The following GTF2H1 variants were observed in gnomAD, a reference collection of about 807,000 sequenced individuals.
GTF2H1 encodes the protein general transcription factor IIH subunit 1.
Under a neutral mutation model 71.2 loss-of-function variants are expected in GTF2H1, and 16 were observed. The observed-to-expected ratio is 0.22, with a 90% CI of 0.15 to 0.34. The LOEUF (loss-of-function observed/expected upper bound fraction) is 0.34, where lower values mean the gene tolerates loss of function less well. Ranked by LOEUF, GTF2H1 falls within the 10% of genes least tolerant of loss-of-function variation. The pLI, the probability that GTF2H1 is intolerant of heterozygous loss-of-function variation, is 1.00. For missense variants in GTF2H1, 498 were observed against 648.2 expected, an observed-to-expected ratio of 0.77 and a Z score of 2.52; for synonymous variants, 215 against 219.0, an observed-to-expected ratio of 0.98 and a Z score of 0.16.
At chr11:18,359,375 C>CA (rs1451047319) in intron 13 of GTF2H1, among the ~76,000 whole-genome samples, 7 of 152,032 alleles carry the variant, frequency 4.6e-5, no homozygotes, top group Admixed American at 1.3e-4. Flanking sequence ...ACTCTGTCTC[C>CA]AAAAAATACA....
At chr11:18,331,512 C>CA (rs1285656489) in intron 1 of GTF2H1, among the ~76,000 whole-genome samples, 2 of 152,054 alleles carry the variant, frequency 1.3e-5, no homozygotes, top group East Asian at 3.9e-4. Context: ...ACCAAAAATA[C>CA]AAAAATAGCC....
At position 18,341,567 on chromosome 11, in the gene GTF2H1, T is replaced by C; in HGVS notation, c.797T>C (p.Leu266Pro). ...TMVSLGVKNPLLDLTALEDKP... is the reference protein window; with the variant it reads ...TMVSLGVKNPPLDLTALEDKP... The stretch of plus-strand genomic sequence containing the variant: ...GTTTCATTAGGAGTGAAAAACCCAC[T>C]ACTAGATTTAACAGCTTTGGAAGAT... Residue 266 changes from leucine (L) to proline (P), a missense_variant, in exon 7 of 15, where the codon CTA (leucine) becomes CCA (proline). Physicochemically the swap from Leu to Pro is moderately conservative, Grantham distance 98. Coordinates refer to ENST00000265963, the MANE Select transcript of GTF2H1 (RefSeq NM_005316.4). 4 of 1,611,250 alleles carry C rather than the reference T, an allele frequency of 2.5e-6. No individual in the cohort carries two copies. The highest frequency in any genetic ancestry group is 1.3e-5 in the African/African-American group (1 of 74,944).
chr11:18,330,376 G>A (rs1239706068), intron 1 of GTF2H1, among the ~76,000 whole-genome samples: 1 of 152,202 alleles, frequency 6.6e-6, no homozygotes, highest in Admixed American at 6.5e-5. Flanking sequence ...AGGAAAATAT[G>A]TTGCAAGAAA....
At chr11:18,339,386 G>T (rs530318058) in intron 4 of GTF2H1, among the ~76,000 whole-genome samples, 178 bp from the exon 5 acceptor site, 114 of 152,308 alleles carry the variant, frequency 7.5e-4, no homozygotes, top group African/African-American at 1.8e-3. Context: ...AAGACCGTGA[G>T]AAACCAGTCA....
rs779018493 is a variant in GTF2H1, at chr11:18,358,086, T to A, written c.1351+44T>A. 7.6e-6 allele frequency: 10 copies of A among 1,322,732 alleles called. No homozygotes were observed. The African/African-American group carries it at 1.4e-4, about 19-fold the overall frequency. 81.9% of individuals were successfully genotyped at this position (1,322,732 alleles called of 1,614,324 possible). On this transcript the variant is annotated intron_variant, in intron 12 of 14. Transcript: ENST00000265963. Reference sequence around the variant, plus strand: ...TCTACTACTTTCTGCCTAAATCAGCTTTAAAAAGCAAGCTGGGAGGAGTGC... The same window carrying A: ...TCTACTACTTTCTGCCTAAATCAGCATTAAAAAGCAAGCTGGGAGGAGTGC...
chr11:18,349,694 A>T (rs909898906), intron 9 of GTF2H1, among the ~76,000 whole-genome samples: 2 of 151,766 alleles, frequency 1.3e-5, no homozygotes, highest in Non-Finnish European at 2.9e-5. Flanking sequence ...AAGAAAAAAT[A>T]AAAAAGAAAT....
chr11:18,333,674 A>G (rs1467434327), intron 2 of GTF2H1: 1 of 154,064 alleles, frequency 6.5e-6, no homozygotes, highest in African/African-American at 2.4e-5. Context: ...TGGTAGGGAC[A>G]GAGTCTTGCT....
intron 2 of GTF2H1, 41 bp from the exon 3 acceptor site, chr11:18,335,713 T>C (rs376716996): frequency 5.9e-5 from 83 of 1,409,462 alleles, no homozygotes; most frequent in Non-Finnish European, 7.2e-5. Flanking sequence ...ATTCCCACAG[T>C]GTGAGTGTCA....
At chr11:18,327,305 T>C (rs1006172143) in intron 1 of GTF2H1, among the ~76,000 whole-genome samples, 1 of 152,058 alleles carries the variant, frequency 6.6e-6, no homozygotes, top group Non-Finnish European at 1.5e-5. Context: ...AAAGAGAACA[T>C]TTAAATCATC....
intron 4 of GTF2H1, 81 bp from the exon 5 acceptor site, chr11:18,339,483 A>G (rs1480671352): frequency 1.1e-6 from 1 of 909,308 alleles, no homozygotes; most frequent in Non-Finnish European, 1.7e-6. Context: ...TTTTTTTTCC[A>G]CCTTTGTCCA....
At chr11:18,358,236 A>G (rs1472602958) in intron 12 of GTF2H1, 194 bp downstream of exon 12, 2 of 601,094 alleles carry the variant, frequency 3.3e-6, no homozygotes, top group African/African-American at 3.7e-5. Flanking sequence ...TCTTACTATT[A>G]CAAATAGTGG....
intron 13 of GTF2H1, among the ~76,000 whole-genome samples, chr11:18,359,028 T>C (rs1253556513): frequency 1.3e-5 from 2 of 152,226 alleles, no homozygotes; most frequent in African/African-American, 4.8e-5. Flanking sequence ...CTAAAACCGC[T>C]TTAACCAATT....
At chr11:18,364,636 A>G (rs182839976) in intron 14 of GTF2H1, among the ~76,000 whole-genome samples, 3 of 152,274 alleles carry the variant, frequency 2.0e-5, no homozygotes, top group Non-Finnish European at 2.9e-5. Context: ...ACTTCTAGCT[A>G]TGTCCATGAT....
intron 7 of GTF2H1, among the ~76,000 whole-genome samples, chr11:18,345,499 CTT>C (rs772599660): frequency 1.6e-4 from 21 of 134,920 alleles, no homozygotes; most frequent in African/African-American, 1.1e-4. Flanking sequence ...GCATATGGAT[CTT>C]TTTTTTTTTT....
intron 1 of GTF2H1, 52 bp from the exon 2 acceptor site, chr11:18,333,008 C>A: frequency 2.3e-6 from 3 of 1,282,386 alleles, no homozygotes; most frequent in Non-Finnish European, 3.2e-6. Context: ...CAAATTCAAC[C>A]CTAATTGATG....
chr11:18,347,693 C>T lies in GTF2H1; in HGVS notation c.943C>T (p.Leu315=), dbSNP rs145372677. ...KRFNHHSAMV[L]AAGLRKQEAQ... ...ATTTAACCATCACAGTGCCATGGTC[C>T]TGGCAGCTGGACTCAGAAAACAGTT... The change falls in exon 8 of 15, where the codon CTG becomes TTG. Residue 315 remains leucine (L), a synonymous_variant. Coordinates refer to ENST00000265963, the MANE Select transcript of GTF2H1 (RefSeq NM_005316.4). 322 of 1,613,360 alleles carry T rather than the reference C, an allele frequency of 2.0e-4. 1 individual carries two copies. The highest frequency in any genetic ancestry group is 2.8e-4 in the African/African-American group (21 of 75,002).
intron 9 of GTF2H1, chr11:18,351,472 A>G (rs1404456901): frequency 1.3e-5 from 2 of 152,306 alleles, no homozygotes; most frequent in Non-Finnish European, 2.9e-5. Flanking sequence ...AAAACAAAAC[A>G]AAAAAACACC....
intron 11 of GTF2H1, among the ~76,000 whole-genome samples, chr11:18,355,498 A>AATAC (rs1239520909): frequency 6.7e-6 from 1 of 149,236 alleles, no homozygotes; most frequent in African/African-American, 2.5e-5. Context: ...TAAATAAATA[A>AATAC]ATTTACTTAT....
chr11:18,365,738 C>T, intron 14 of GTF2H1, 45 bp from the exon 15 acceptor site: 1 of 1,327,958 alleles, frequency 7.5e-7, no homozygotes, highest in South Asian at 1.2e-5. Flanking sequence ...GGATTAACTT[C>T]CCCTGCTTTT....
Sources: gnomAD v4.1 joint callset for allele counts (sites outside exome capture counted in the v4.1 genomes callset) on GRCh38, gnomAD v4.1.1 for gene constraint, MANE v1.5 for transcripts, NCBI Gene and HGNC (gene_info 2026-07-23, HGNC 2026-07-21) for gene names.